Variants in BABAM2 observed in about 807,000 individuals in gnomAD.
BABAM2 encodes the protein BRISC and BRCA1-A complex member 2.
Under a neutral mutation model 54.7 loss-of-function variants are expected in BABAM2, and 31 were observed. That is an observed-to-expected ratio of 0.57 (90% CI 0.43 to 0.77). BABAM2 has a LOEUF of 0.77. Ranked by LOEUF, BABAM2 falls within the 30% of genes least tolerant of loss-of-function variation. The pLI, the probability that BABAM2 is intolerant of heterozygous loss-of-function variation, is 0.00. For synonymous variants in BABAM2, 167 were observed against 162.9 expected, an observed-to-expected ratio of 1.03 and a Z score of -0.19; for missense variants, 364 against 455.8, an observed-to-expected ratio of 0.80 and a Z score of 1.83.
At chr2:27,945,996 T>C (rs1356003790) in intron 3 of BABAM2, among the ~76,000 whole-genome samples, 1 of 152,178 alleles carries the variant, frequency 6.6e-6, no homozygotes, top group Non-Finnish European at 1.5e-5. Flanking sequence ...CTTTCCAATC[T>C]ATATAATTTA....
intron 10 of BABAM2, among the ~76,000 whole-genome samples, chr2:28,246,668 C>G (rs1219421847): frequency 6.6e-6 from 1 of 152,212 alleles, no homozygotes; most frequent in Non-Finnish European, 1.5e-5. Flanking sequence ...AATCTTTAGT[C>G]TCCTAGCCAT....
intron 10 of BABAM2, among the ~76,000 whole-genome samples, chr2:28,248,567 CAG>C (rs1450811816): frequency 1.7e-4 from 26 of 151,904 alleles, no homozygotes; most frequent in Admixed American, 1.6e-3. Context: ...GGCGAAGTAA[CAG>C]AACAAAAAAA....
chr2:28,095,970 A>C (rs965697959), intron 6 of BABAM2, among the ~76,000 whole-genome samples: 2 of 152,174 alleles, frequency 1.3e-5, no homozygotes, highest in Admixed American at 1.3e-4. Flanking sequence ...GGACCAGGGA[A>C]CTTAAATATT....
At chr2:27,967,295 A>T (rs1670901805) in intron 3 of BABAM2, among the ~76,000 whole-genome samples, 1 of 152,132 alleles carries the variant, frequency 6.6e-6, no homozygotes, top group South Asian at 2.1e-4. Flanking sequence ...CGTGATGCTG[A>T]ATAAGTCTCA....
intron 11 of BABAM2, among the ~76,000 whole-genome samples, chr2:28,298,817 A>C (rs926250272): frequency 2.6e-5 from 4 of 152,190 alleles, no homozygotes; most frequent in Admixed American, 6.5e-5. Context: ...TTGGTCTCTA[A>C]AATTAGCCAT....
At chr2:28,274,016 C>A (rs940758482) in intron 10 of BABAM2, among the ~76,000 whole-genome samples, 2 of 152,252 alleles carry the variant, frequency 1.3e-5, no homozygotes, top group African/African-American at 4.8e-5. Context: ...CCCGTGCCTT[C>A]ACCCTTGCTT....
intron 6 of BABAM2, among the ~76,000 whole-genome samples, chr2:28,062,377 A>T (rs1678954186): frequency 1.3e-5 from 2 of 152,012 alleles, no homozygotes; most frequent in South Asian, 4.1e-4. Context: ...ATCCTGGGCA[A>T]CATGGTGAAA....
chr2:28,252,281 G>A (rs549733024), intron 10 of BABAM2, among the ~76,000 whole-genome samples: 4 of 151,744 alleles, frequency 2.6e-5, no homozygotes, highest in Admixed American at 1.3e-4. Flanking sequence ...ATATTGTTCC[G>A]AATGATAAAA....
chr2:28,018,887 GT>G (rs1675044857), intron 4 of BABAM2, among the ~76,000 whole-genome samples: 2 of 152,080 alleles, frequency 1.3e-5, no homozygotes, highest in Admixed American at 1.3e-4. Context: ...GGACGTGCAG[GT>G]TTGTTATATA....
intron 6 of BABAM2, among the ~76,000 whole-genome samples, chr2:28,087,431 A>T (rs1573551295): frequency 6.6e-6 from 1 of 152,144 alleles, no homozygotes; most frequent in Non-Finnish European, 1.5e-5. Flanking sequence ...GCACTTGCTT[A>T]CCTGAGGCAG....
chr2:28,061,978 G>A (rs1213510559), intron 6 of BABAM2, among the ~76,000 whole-genome samples: 1 of 152,122 alleles, frequency 6.6e-6, no homozygotes, highest in Non-Finnish European at 1.5e-5. Context: ...AGGATTGTTG[G>A]CCAGGTGCGG....
At chr2:28,071,184 G>A (rs1352340492) in intron 6 of BABAM2, among the ~76,000 whole-genome samples, 2 of 151,978 alleles carry the variant, frequency 1.3e-5, no homozygotes, top group Non-Finnish European at 2.9e-5. Flanking sequence ...CTTCATCACC[G>A]AGCTGCCCCT....
intron 11 of BABAM2, among the ~76,000 whole-genome samples, chr2:28,316,383 AGTGGGAGTGGAAATGGGG>A (rs1175290390): frequency 4.9e-5 from 3 of 60,894 alleles, no homozygotes; most frequent in African/African-American, 2.0e-4. Context: ...TGGGAGTGGG[AGTGGGAGTGGAAATGGGG>A]GTGGGAGTGG....
chr2:28,144,915 C>G (rs1035187168), intron 7 of BABAM2, among the ~76,000 whole-genome samples: 1 of 152,196 alleles, frequency 6.6e-6, no homozygotes, highest in Non-Finnish European at 1.5e-5. Context: ...ACATGCTACC[C>G]ACTAGTTCCT....
intron 2 of BABAM2, among the ~76,000 whole-genome samples, chr2:27,926,603 C>T (rs1667724134): frequency 6.6e-6 from 1 of 152,188 alleles, no homozygotes; most frequent in Non-Finnish European, 1.5e-5. Flanking sequence ...CAATCCTAAA[C>T]CATCTTTATG....
At chr2:27,946,285 G>A (rs1308835336) in intron 3 of BABAM2, among the ~76,000 whole-genome samples, 1 of 151,984 alleles carries the variant, frequency 6.6e-6, no homozygotes, top group East Asian at 1.9e-4. Context: ...CTTTTATTCT[G>A]TTAATATGAT....
At chr2:28,063,171 G>T (rs1679037803) in intron 6 of BABAM2, among the ~76,000 whole-genome samples, 1 of 152,100 alleles carries the variant, frequency 6.6e-6, no homozygotes, top group African/African-American at 2.4e-5. Flanking sequence ...AAGTAGGAAG[G>T]AAAAATCCTT....
intron 11 of BABAM2, chr2:28,309,314 T>A (rs1688852807): frequency 6.6e-6 from 1 of 152,168 alleles, no homozygotes; most frequent in Non-Finnish European, 1.5e-5. Flanking sequence ...ATATTTTGAA[T>A]CTCTGCCTTC....
At chr2:28,165,529 CTTTTTTTTTTTT>C (rs1192641957) in intron 7 of BABAM2, among the ~76,000 whole-genome samples, 1 of 72,254 alleles carries the variant, frequency 1.4e-5, no homozygotes, top group Non-Finnish European at 2.4e-5. Flanking sequence ...TTTTTCCTTG[CTTTTTTTTTTTT>C]TTTTTTTTTT....
Sources: allele counts gnomAD v4.1 joint callset (sites outside exome capture counted in the v4.1 genomes callset), GRCh38; gene constraint gnomAD v4.1.1; transcripts MANE v1.5; gene names NCBI Gene and HGNC (gene_info 2026-07-23, HGNC 2026-07-21).